Variants in SH3TC1 observed in about 807,000 individuals in gnomAD.
SH3TC1 encodes the protein SH3 domain and tetratricopeptide repeat-containing protein 1.
In SH3TC1, 135 loss-of-function variants were observed where a neutral mutation model predicts 117.3. That is an observed-to-expected ratio of 1.15 (90% CI 1.00 to 1.33). The LOEUF is 1.33. SH3TC1 is among the 40% of genes most tolerant of loss of function. The pLI is 0.00. For synonymous variants in SH3TC1, 898 were observed against 816.9 expected (o/e 1.10, Z -1.69); for missense variants, 2,092 against 1,794.3 (o/e 1.17, Z -3.00).
In SH3TC1 at chr4:8,232,020, G is replaced by A. The variant is rs77050840; in HGVS notation, c.2995G>A (p.Val999Ile). Residue 999 changes from valine to isoleucine, a missense_variant, in exon 13 of 18, where the codon GTC becomes ATC. Coordinates refer to ENST00000245105, the MANE Select transcript of SH3TC1 (RefSeq NM_018986.5). ...GCGGCTGTGCCACTTCTACAGCGCCGTCATGCCCAGCGAGGCCCAGTGTGT... is the reference window on the plus strand; with the variant it reads ...GCGGCTGTGCCACTTCTACAGCGCCATCATGCCCAGCGAGGCCCAGTGTGT... ...VQRLCHFYSA[V>I]MPSEAQCVIY... 24 of 1,612,784 alleles carry A rather than the reference G, an allele frequency of 1.5e-5. No individual in the cohort carries two copies. The highest frequency in any genetic ancestry group is 1.6e-4 in the Middle Eastern group (1 of 6,082).
At position 8,192,111 on chromosome 4, in the gene SH3TC1, TCC is replaced by T. The variant is rs1171550843; in HGVS notation, c.-57+9903_-57+9904del. 1.3e-5 allele frequency among the ~76,000 whole-genome samples: 2 copies of T among 152,046 alleles called. No homozygotes were observed. Among genetic ancestry groups the T allele is most frequent in the East Asian group, 3.9e-4 (2 of 5,160 alleles). ...TTCAAGTGATTCTCTCACCTCTGCC[TCC>T]CAAGTAGCTAAGATTACAGGCACCT... On this transcript the variant is annotated intron_variant, in intron 1 of 16. Coordinates refer to the SH3TC1 transcript ENST00000508641. This position sits in a 1 kb window ranked among gnomAD's most constrained non-coding sequence, Gnocchi z 4.1.
intron 1 of SH3TC1, among the ~76,000 whole-genome samples, chr4:8,182,804 C>T (rs1022603898): frequency 2.6e-5 from 4 of 152,196 alleles, no homozygotes; most frequent in Non-Finnish European, 4.4e-5. Flanking sequence ...TTTCATGCTG[C>T]CCCTGCCCTC....
intron 8 of SH3TC1, 64 bp from the exon 9 acceptor site, chr4:8,219,271 C>T: frequency 6.8e-7 from 1 of 1,472,814 alleles, no homozygotes; most frequent in Non-Finnish European, 9.1e-7. Flanking sequence ...GGCATCGGCC[C>T]TGTCTGCCCG....
At chr4:8,196,296 C>T (rs1190885013), upstream of SH3TC1, among the ~76,000 whole-genome samples, 1 of 152,100 alleles carries the variant, frequency 6.6e-6, no homozygotes, top group Non-Finnish European at 1.5e-5. The surrounding 1 kb of genome is among the most constrained non-coding windows in gnomAD (Gnocchi z 4.6). Flanking sequence ...GTGTTGGACC[C>T]GAGGCACGAA....
rs769955062 is a variant in SH3TC1 at position 8,219,534 on chromosome 4, AG to A, written c.1112+5del. 6.5e-7 allele frequency: 1 copy of A among 1,539,734 alleles called. No individual in the cohort carries two copies. The highest frequency in any genetic ancestry group is 2.4e-5 in the East Asian group (1 of 42,456). Reference sequence around the variant, plus strand: ...GCATGCAGGGCCCCGTGTCCGAGTGAGTGGCTGGAGCCCCGCCCCTTTCCTG... The same window carrying A: ...GCATGCAGGGCCCCGTGTCCGAGTGATGGCTGGAGCCCCGCCCCTTTCCTG... On this transcript the variant is annotated splice_donor_5th_base_variant and intron_variant, in intron 9 of 17. Transcript: ENST00000245105.
chr4:8,230,872 C>T (rs772385465), intron 12 of SH3TC1, among the ~76,000 whole-genome samples: 24 of 151,556 alleles, frequency 1.6e-4, no homozygotes, highest in Non-Finnish European at 2.9e-4. Flanking sequence ...AACCTCTACC[C>T]GGGTTCAAGC....
upstream of SH3TC1, among the ~76,000 whole-genome samples, chr4:8,198,453 G>T (rs1717635199): frequency 6.6e-6 from 1 of 152,252 alleles, no homozygotes; most frequent in South Asian, 2.1e-4. Flanking sequence ...ACACTCCTGT[G>T]TTGGCAAGGG....
chr4:8,193,026 T>C (rs1043808994), intron 1 of SH3TC1, among the ~76,000 whole-genome samples: 12 of 152,222 alleles, frequency 7.9e-5, no homozygotes, highest in African/African-American at 2.9e-4. Flanking sequence ...TCTTGTATAA[T>C]AGATAGTTTT....
At chr4:8,224,047 A>ACG (rs60586906) in intron 10 of SH3TC1, among the ~76,000 whole-genome samples, 43,910 of 151,098 alleles carry the variant, frequency 0.29, 7,348 homozygotes, top group Middle Eastern at 0.38. Flanking sequence ...ACAAGTATAC[A>ACG]CACACACACA....
intron 1 of SH3TC1, among the ~76,000 whole-genome samples, chr4:8,185,637 T>C (rs1471407935): frequency 1.3e-5 from 2 of 152,246 alleles, no homozygotes; most frequent in Non-Finnish European, 2.9e-5. Flanking sequence ...GGATCTTTCC[T>C]TGTTGGCACT....
Position 8,240,834 on chromosome 4 carries a change from C to T in SH3TC1, c.3890C>T (p.Ser1297Leu), listed in dbSNP as rs761485645. 3.0e-5 allele frequency: 48 copies of T among 1,613,948 alleles called. No homozygotes were observed. Among genetic ancestry groups the T allele is most frequent in the East Asian group, 2.9e-4 (13 of 44,882 alleles). ...YHNFLLDREK[S>L]LFFYQKARTF... Reference sequence around the variant, plus strand: ...AACTTCCTCCTGGACCGTGAGAAGTCGCTCTTCTTCTACCAGAAGGCCAGG... The same window carrying T: ...AACTTCCTCCTGGACCGTGAGAAGTTGCTCTTCTTCTACCAGAAGGCCAGG... Residue 1297 changes from serine (S) to leucine (L), a missense_variant, in exon 18 of 18, where the codon TCG becomes TTG. Transcript: ENST00000245105.
intron 9 of SH3TC1, 80 bp from the exon 10 acceptor site, chr4:8,222,760 C>G: frequency 6.5e-7 from 1 of 1,535,886 alleles, no homozygotes; most frequent in Non-Finnish European, 8.9e-7. Flanking sequence ...TCTGTCAAAT[C>G]AAGGAATGGA....
chr4:8,232,850 T>C (rs1721369941), intron 13 of SH3TC1: 1 of 1,260,544 alleles, frequency 7.9e-7, no homozygotes, highest in East Asian at 5.6e-5. Context: ...GTTAGAGCCA[T>C]GTTCTCAAAG....
At chr4:8,231,803 G>A (rs1721244839) in intron 12 of SH3TC1, 173 bp from the exon 13 acceptor site, 2 of 683,986 alleles carry the variant, frequency 2.9e-6, no homozygotes. Context: ...CCTCTACCAT[G>A]GGCATCTGCA....
At chr4:8,218,729 A>C (rs1719584203) in intron 8 of SH3TC1, among the ~76,000 whole-genome samples, 1 of 152,252 alleles carries the variant, frequency 6.6e-6, no homozygotes, top group Admixed American at 6.5e-5. Flanking sequence ...AACGCCTGGA[A>C]GGCCCTGGGC....
chr4:8,189,816 G>A (rs993774027), intron 1 of SH3TC1, among the ~76,000 whole-genome samples: 9 of 152,192 alleles, frequency 5.9e-5, no homozygotes, highest in African/African-American at 1.4e-4. Flanking sequence ...TGAAGACCCC[G>A]CCGGCGTGAG....
chr4:8,240,487 G>A (rs1386215271), intron 17 of SH3TC1, among the ~76,000 whole-genome samples: 1 of 152,218 alleles, frequency 6.6e-6, no homozygotes, highest in African/African-American at 2.4e-5. Context: ...CTCGGGGTGA[G>A]TGGGGTGTAG....
intron 7 of SH3TC1, among the ~76,000 whole-genome samples, 172 bp downstream of exon 7, chr4:8,217,339 C>G (rs1015447292): frequency 1.3e-5 from 2 of 152,242 alleles, no homozygotes; most frequent in African/African-American, 4.8e-5. Context: ...TTTGGCCCAC[C>G]TCTCTGGGCC....
At chr4:8,213,420 G>A (rs1238253094) in intron 4 of SH3TC1, among the ~76,000 whole-genome samples, 1 of 152,180 alleles carries the variant, frequency 6.6e-6, no homozygotes. Context: ...TTACGTCCCC[G>A]GGAGCTGACT....
Sources: gnomAD v4.1 joint callset for allele counts (sites outside exome capture counted in the v4.1 genomes callset) on GRCh38, gnomAD v4.1.1 for gene constraint, Gnocchi (gnomAD v3.1) non-coding constraint, MANE v1.5 for transcripts, NCBI Gene and HGNC (gene_info 2026-07-23, HGNC 2026-07-21) for gene names.